Variants in PRKN observed in about 807,000 individuals in gnomAD.
The protein encoded by PRKN is E3 ubiquitin-protein ligase parkin.
In PRKN, 56 loss-of-function variants were observed where a neutral mutation model predicts 59.5. The observed-to-expected ratio is 0.94, with a 90% CI of 0.76 to 1.18. The LOEUF (loss-of-function observed/expected upper bound fraction) is 1.18, where lower values mean the gene tolerates loss of function less well. PRKN is among the 50% of genes most tolerant of loss of function. PRKN has a pLI of 0.00. For missense variants in PRKN, 657 were observed against 596.4 expected (o/e 1.10, Z -1.06); for synonymous variants, 250 against 222.1 (o/e 1.13, Z -1.12).
chr6:161,920,106 G>A (rs1778721954), intron 6 of PRKN, among the ~76,000 whole-genome samples: 3 of 152,212 alleles, frequency 2.0e-5, no homozygotes, highest in Admixed American at 2.0e-4. Context: ...AACACCGGCT[G>A]GGCGTGCTGG....
rs1192908521 is a variant in PRKN at position 161,575,232 on chromosome 6, T to G, written c.872-5816A>C. ...TTATTTTAAAGGACAACTGCGAAAC[T>G]GGGCTCTATATTTCAATTAGTATCT... is the stretch of plus-strand genomic sequence containing the variant. On this transcript the variant is annotated intron_variant, in intron 7 of 11. Coordinates refer to ENST00000366898, the MANE Select transcript of PRKN (RefSeq NM_004562.3). The surrounding 1 kb of genome is among the most constrained non-coding windows in gnomAD (Gnocchi z 4.6). Among the ~76,000 whole-genome samples, 1 of 152,234 alleles carries G rather than the reference T, an allele frequency of 6.6e-6. No individual in the cohort carries two copies. The highest frequency in any genetic ancestry group is 1.5e-5 in the Non-Finnish European group (1 of 68,048).
Position 162,472,120 on chromosome 6 carries a change from A to C in PRKN, c.8-28647T>G, listed in dbSNP as rs561993630. ...AGGAAAACTCTAGGAAGATACACTTAATGAATCCTTATTGATCTAAATACA... is the reference window on the plus strand; with the variant it reads ...AGGAAAACTCTAGGAAGATACACTTCATGAATCCTTATTGATCTAAATACA... On this transcript the variant is annotated intron_variant, in intron 1 of 11. Coordinates refer to ENST00000366898, the MANE Select transcript of PRKN (RefSeq NM_004562.3). 3.3e-5 allele frequency among the ~76,000 whole-genome samples: 5 copies of C among 152,308 alleles called. No homozygotes were observed. In the South Asian group the frequency reaches 1.0e-3, roughly 32 times the overall value.
rs983622342 is a variant in PRKN at position 161,348,196 on chromosome 6, G to T, written c.*1903C>A. On this transcript the variant is annotated 3_prime_UTR_variant, in exon 12 of 12. Transcript: ENST00000366898. This position sits in a 1 kb window ranked among gnomAD's most constrained non-coding sequence, Gnocchi z 4.9. Reference sequence around the variant, plus strand: ...AGGGAGCCACCTGATTTGTCGCATCGGGCCAGTGTAAGGAAGTGTAATTTA... The same window carrying T: ...AGGGAGCCACCTGATTTGTCGCATCTGGCCAGTGTAAGGAAGTGTAATTTA... The T allele has an allele frequency of 2.4e-5, 5 of 204,176 alleles. No homozygotes were observed. The highest frequency in any genetic ancestry group is 6.0e-5 in the Admixed American group (1 of 16,674). The allele number at this position is 204,176 out of a possible 1,614,324, so 12.6% of individuals were successfully genotyped here. A position where few individuals can be genotyped will look rare whatever the true frequency, so the allele number is the denominator to read the frequency against.
Position 162,417,751 on chromosome 6 carries a change from T to C in PRKN, c.171+25559A>G, listed in dbSNP as rs77584078. The stretch of plus-strand genomic sequence containing the variant: ...GGCTTTCGGTTTCTAGCTCAGTTCA[T>C]GAACGTGTTTACGGGTCTTCTGTTG... On this transcript the variant is annotated intron_variant, in intron 2 of 11. Coordinates refer to ENST00000366898, the MANE Select transcript of PRKN (RefSeq NM_004562.3). 2.1e-3 allele frequency among the ~76,000 whole-genome samples: 326 copies of C among 152,348 alleles called. 2 individuals carry two copies. The highest frequency in any genetic ancestry group is 7.5e-3 in the African/African-American group (313 of 41,592).
At chr6:162,542,176 T>G (rs1486918023) in intron 1 of PRKN, among the ~76,000 whole-genome samples, 1 of 152,204 alleles carries the variant, frequency 6.6e-6, no homozygotes, top group Non-Finnish European at 1.5e-5. Flanking sequence ...GTGCTTCTTT[T>G]AGGGATATTA....
chr6:161,523,985 A>G (rs948088428), intron 9 of PRKN, among the ~76,000 whole-genome samples: 2 of 152,236 alleles, frequency 1.3e-5, no homozygotes, highest in Non-Finnish European at 2.9e-5. Flanking sequence ...GAAAAAAATG[A>G]ACACAATTCA....
At chr6:162,324,137 A>G (rs1783162320) in intron 2 of PRKN, among the ~76,000 whole-genome samples, 1 of 152,098 alleles carries the variant, frequency 6.6e-6, no homozygotes, top group Non-Finnish European at 1.5e-5. Flanking sequence ...TACCAGCAAC[A>G]TGAAAAAATT....
At chr6:161,604,697 G>A (rs1782216482) in intron 7 of PRKN, among the ~76,000 whole-genome samples, 1 of 152,186 alleles carries the variant, frequency 6.6e-6, no homozygotes. Flanking sequence ...CACTTTGGGA[G>A]GCCAAGGTGG....
At chr6:162,304,890 T>C (rs1252451803) in intron 2 of PRKN, among the ~76,000 whole-genome samples, 1 of 152,184 alleles carries the variant, frequency 6.6e-6, no homozygotes, top group Non-Finnish European at 1.5e-5. Context: ...TCCAGGTTTT[T>C]AGATGTAATC....
At chr6:161,523,252 A>T (rs914891044) in intron 9 of PRKN, among the ~76,000 whole-genome samples, 3 of 152,212 alleles carry the variant, frequency 2.0e-5, no homozygotes, top group African/African-American at 7.2e-5. Context: ...CAATTACAAA[A>T]TTGGGAGATA....
chr6:162,167,459 G>A (rs905216814), intron 4 of PRKN, among the ~76,000 whole-genome samples: 12 of 152,220 alleles, frequency 7.9e-5, no homozygotes, highest in African/African-American at 2.4e-4. Flanking sequence ...ATTATTGCCT[G>A]GCAAACACTA....
At chr6:162,122,091 T>C (rs1780938624) in intron 4 of PRKN, among the ~76,000 whole-genome samples, 1 of 152,124 alleles carries the variant, frequency 6.6e-6, no homozygotes, top group African/African-American at 2.4e-5. Flanking sequence ...ATAGAAATGC[T>C]CTCTCAAGGG....
At chr6:162,641,676 G>A (rs774786998) in intron 1 of PRKN, among the ~76,000 whole-genome samples, 3 of 152,190 alleles carry the variant, frequency 2.0e-5, no homozygotes, top group Admixed American at 6.5e-5. Context: ...AGATTACTCT[G>A]CAGGTAAAGA....
intron 3 of PRKN, among the ~76,000 whole-genome samples, chr6:162,212,191 G>T (rs935859741): frequency 6.6e-6 from 1 of 152,032 alleles, no homozygotes; most frequent in African/African-American, 2.4e-5. Context: ...ACTCCTTGCT[G>T]TAAGTTCCCT....
chr6:162,363,888 G>A (rs1583443595), intron 2 of PRKN, among the ~76,000 whole-genome samples: 1 of 152,270 alleles, frequency 6.6e-6, no homozygotes, highest in Non-Finnish European at 1.5e-5. Flanking sequence ...GATAAGGCAA[G>A]GTCTTCCCCT....
Position 162,645,872 on chromosome 6 carries a change from T to C in PRKN, c.7+81790A>G, listed in dbSNP as rs5881487. On this transcript the variant is annotated intron_variant, in intron 1 of 11. Transcript: ENST00000366898. ...GCCACAGTGCATAAACTTTCTCTTT[T>C]TTTTTTTTTTTTTTTTTTTTGAGAC... Among the ~76,000 whole-genome samples, 194 of 41,540 alleles carry C rather than the reference T, an allele frequency of 4.7e-3. 2 individuals carry two copies. Among genetic ancestry groups the C allele is most frequent in the Admixed American group, 8.7e-3 (33 of 3,814 alleles). 27.3% of individuals were successfully genotyped at this position (41,540 alleles called of 152,430 possible).
intron 2 of PRKN, among the ~76,000 whole-genome samples, chr6:162,413,745 G>A (rs1005989859): frequency 6.6e-6 from 1 of 152,140 alleles, no homozygotes; most frequent in East Asian, 1.9e-4. Context: ...TTTGCCTTAA[G>A]GAGTAGACCA....
intron 3 of PRKN, among the ~76,000 whole-genome samples, chr6:162,239,211 T>C (rs1336696534): frequency 1.3e-5 from 2 of 152,096 alleles, no homozygotes; most frequent in Admixed American, 1.3e-4. Flanking sequence ...TGGAACTACA[T>C]TTGTCCACAA....
intron 2 of PRKN, among the ~76,000 whole-genome samples, chr6:162,378,440 T>G (rs1415497348): frequency 1.3e-5 from 2 of 152,228 alleles, no homozygotes; most frequent in South Asian, 4.1e-4. Flanking sequence ...GGTGGGCCCC[T>G]GGGGGCCTGA....
Sources: gnomAD v4.1 joint callset for allele counts (sites outside exome capture counted in the v4.1 genomes callset) on GRCh38, gnomAD v4.1.1 for gene constraint, Gnocchi (gnomAD v3.1) non-coding constraint, MANE v1.5 for transcripts, NCBI Gene and HGNC (gene_info 2026-07-23, HGNC 2026-07-21) for gene names.